The following SHC4 variants were observed in gnomAD, a reference collection of about 807,000 sequenced individuals.
SHC4 encodes SHC adaptor protein 4, also known as SHC-transforming protein 4.
A neutral mutation model predicts 69.4 loss-of-function variants in SHC4; 41 were observed. The ratio of observed to expected loss-of-function variants is 0.59; its 90% CI spans 0.46 to 0.77. The LOEUF (loss-of-function observed/expected upper bound fraction) is 0.77. Ranked by LOEUF, SHC4 falls within the 30% of genes least tolerant of loss-of-function variation. The pLI is 0.00. For missense variants in SHC4, 777 were observed against 783.8 expected, an observed-to-expected ratio of 0.99 and a Z score of 0.10; for synonymous variants, 318 against 299.3, an observed-to-expected ratio of 1.06 and a Z score of -0.64.
intron 9 of SHC4, among the ~76,000 whole-genome samples, 198 bp downstream of exon 9, chr15:48,850,990 A>C (rs537556975): frequency 1.1e-4 from 17 of 152,352 alleles, no homozygotes; most frequent in Admixed American, 9.8e-4. Flanking sequence ...ACACAAGAGC[A>C]AGGGAGAACC....
chr15:48,914,573 C>T (rs1900581305), intron 2 of SHC4, among the ~76,000 whole-genome samples: 1 of 152,174 alleles, frequency 6.6e-6, no homozygotes, highest in South Asian at 2.1e-4. Context: ...CTACACACTC[C>T]TTACCAAATT....
rs1898644282 is a variant in SHC4 at position 48,823,928 on chromosome 15, T to C, written c.*2043A>G. The C allele has an allele frequency of 6.6e-6, 1 of 152,232 alleles. No individual in the cohort carries two copies. The highest frequency in any genetic ancestry group is 2.1e-4 in the South Asian group (1 of 4,832). The allele number at this position is 152,232 out of a possible 1,614,324, so 9.4% of individuals were successfully genotyped here. A position where few individuals can be genotyped will look rare whatever the true frequency, so the allele number is the denominator to read the frequency against. ...AGTGCTGTATTTAACTACTATACTA[T>C]TACAGTCAAATACTGATTATCCATG... On this transcript the variant is annotated 3_prime_UTR_variant, in exon 12 of 12. Transcript: ENST00000332408.
intron 2 of SHC4, among the ~76,000 whole-genome samples, chr15:48,924,149 C>T (rs1900802229): frequency 6.6e-6 from 1 of 152,154 alleles, no homozygotes; most frequent in Non-Finnish European, 1.5e-5. Flanking sequence ...GCCCCTGAGA[C>T]ACACCTTGGC....
chr15:48,900,479 C>T (rs1207866974), intron 2 of SHC4, among the ~76,000 whole-genome samples: 4 of 151,322 alleles, frequency 2.6e-5, no homozygotes, highest in African/African-American at 9.7e-5. Context: ...TGCACTCCTG[C>T]CTGGGCTACA....
chr15:48,860,322 T>A (rs1309741036), intron 6 of SHC4, among the ~76,000 whole-genome samples: 6 of 152,008 alleles, frequency 3.9e-5, no homozygotes, highest in Admixed American at 3.3e-4. Context: ...ATGGCCAACA[T>A]GGTGAAACCC....
chr15:48,892,082 C>T (rs1019030231), intron 2 of SHC4, among the ~76,000 whole-genome samples: 3 of 152,120 alleles, frequency 2.0e-5, no homozygotes, highest in Admixed American at 2.0e-4. Context: ...GTCTCGATCT[C>T]CTGACCTCGT....
chr15:48,919,325 G>T (rs1900697887), intron 2 of SHC4, among the ~76,000 whole-genome samples: 1 of 24,610 alleles, frequency 4.1e-5, no homozygotes, highest in Non-Finnish European at 1.1e-4. Context: ...TGTAGAGATG[G>T]GGTCTTGCTC....
intron 2 of SHC4, among the ~76,000 whole-genome samples, chr15:48,915,822 C>T (rs77809495): frequency 6.6e-6 from 1 of 152,094 alleles, no homozygotes; most frequent in Admixed American, 6.5e-5. Context: ...AACTTTAAAA[C>T]TCCTGATTTT....
intron 1 of SHC4, among the ~76,000 whole-genome samples, chr15:48,929,394 G>T (rs10519201): frequency 0.13 from 19,592 of 152,218 alleles, 1,611 homozygotes; most frequent in South Asian, 0.26. Context: ...ACCATGAAAA[G>T]AGATGACCTA....
intron 10 of SHC4, among the ~76,000 whole-genome samples, chr15:48,836,144 G>A (rs1216092950): frequency 1.3e-5 from 2 of 151,104 alleles, no homozygotes; most frequent in Non-Finnish European, 2.9e-5. Context: ...AATGAGCCAA[G>A]ATCGCGCCAC....
At chr15:48,833,507 C>A (rs561614550) in intron 11 of SHC4, among the ~76,000 whole-genome samples, 1 of 152,280 alleles carries the variant, frequency 6.6e-6, no homozygotes, top group South Asian at 2.1e-4. Flanking sequence ...ACACACTTCA[C>A]TCCCCTCCCT....
intron 4 of SHC4, chr15:48,878,972 G>A: frequency 2.3e-6 from 1 of 442,058 alleles, no homozygotes; most frequent in East Asian, 3.5e-5. Flanking sequence ...TATCAAGAAC[G>A]TCCTAAAACA....
At chr15:48,872,013 T>C in intron 5 of SHC4, 76 bp downstream of exon 5, 1 of 912,498 alleles carries the variant, frequency 1.1e-6, no homozygotes. Context: ...AGTTATTTTA[T>C]TTTATTATCA....
chr15:48,933,961 A>T (rs1901019531), intron 1 of SHC4, among the ~76,000 whole-genome samples: 1 of 152,176 alleles, frequency 6.6e-6, no homozygotes, highest in Non-Finnish European at 1.5e-5. Context: ...ACCTAAATAT[A>T]AGAGCTAAAA....
chr15:48,881,125 G>A (rs1899936642), intron 4 of SHC4, among the ~76,000 whole-genome samples: 1 of 151,532 alleles, frequency 6.6e-6, no homozygotes, highest in Non-Finnish European at 1.5e-5. Context: ...ATTAGGGAGA[G>A]TTTTCCAAAT....
At chr15:48,833,534 C>T (rs1046063558) in intron 11 of SHC4, among the ~76,000 whole-genome samples, 2 of 152,156 alleles carry the variant, frequency 1.3e-5, no homozygotes, top group Admixed American at 1.3e-4. Flanking sequence ...TGAAGGAGAA[C>T]CTTCAAGTTG....
chr15:48,826,022 T>G lies in SHC4; in HGVS notation c.1842A>C (p.Lys614Asn), dbSNP rs1244185602. The change falls in exon 12 of 12, where the codon AAA becomes AAC. Residue 614 changes from lysine to asparagine, a missense_variant. By Grantham distance (94) the Lys-to-Asn change is moderately conservative (BLOSUM62 0). Transcript: ENST00000332408. ...GATTATTATCTTTTCTCACTGGTTG[T>G]TTAAGGCTTACTTCGCTTCCAGAGG... ...IISSGSEVSL[K>N]QPVRKDNNPA... The G allele has an allele frequency of 3.1e-6, 5 of 1,613,906 alleles. No individual in the cohort carries two copies. Among genetic ancestry groups the G allele is most frequent in the African/African-American group, 1.3e-5 (1 of 74,922 alleles).
At chr15:48,903,924 C>A (rs928884252) in intron 2 of SHC4, among the ~76,000 whole-genome samples, 20 of 152,278 alleles carry the variant, frequency 1.3e-4, no homozygotes, top group Non-Finnish European at 2.6e-4. Flanking sequence ...TGCCACCACC[C>A]CCAGCTAACA....
chr15:48,916,305 AC>A (rs1475059209), intron 2 of SHC4, among the ~76,000 whole-genome samples: 7 of 146,254 alleles, frequency 4.8e-5, no homozygotes, highest in South Asian at 4.4e-4. Context: ...ACACACACAC[AC>A]ACACACACAC....
Sources: allele counts gnomAD v4.1 joint callset (sites outside exome capture counted in the v4.1 genomes callset), GRCh38; gene constraint gnomAD v4.1.1; transcripts MANE v1.5; gene names NCBI Gene and HGNC (gene_info 2026-07-23, HGNC 2026-07-21).